Variants in GSR observed in about 807,000 individuals in gnomAD.
GSR encodes the protein glutathione-disulfide reductase.
In GSR, 48 loss-of-function variants were observed where a neutral mutation model predicts 56.5. The observed-to-expected ratio is 0.85, with a 90% CI of 0.67 to 1.08. GSR has a LOEUF of 1.08. Among genes scored for constraint, GSR ranks in the 50% least tolerant of loss-of-function variants. GSR has a pLI of 0.00. For missense variants in GSR, 694 were observed against 703.3 expected (o/e 0.99, Z 0.15); for synonymous variants, 264 against 270.8 (o/e 0.97, Z 0.25).
At chr8:30,686,818 T>C (rs752640887) in intron 9 of GSR, among the ~76,000 whole-genome samples, 15 of 151,966 alleles carry the variant, frequency 9.9e-5, no homozygotes, top group Non-Finnish European at 1.6e-4. Context: ...GTTGTTGTTG[T>C]TTTCTTTTGG....
chr8:30,706,794 T>G (rs1467330480), intron 4 of GSR, among the ~76,000 whole-genome samples: 1 of 152,168 alleles, frequency 6.6e-6, no homozygotes, highest in Non-Finnish European at 1.5e-5. Flanking sequence ...AACAACCTTC[T>G]GAATCCTAAT....
chr8:30,716,431 C>T (rs1329211238), intron 1 of GSR, among the ~76,000 whole-genome samples: 1 of 152,206 alleles, frequency 6.6e-6, no homozygotes, highest in Non-Finnish European at 1.5e-5. Context: ...AACAGGCCTC[C>T]AGGGATTTCC....
rs1027797494 is a variant in GSR, at chr8:30,703,331, C to A, written c.493-91G>T. On this transcript the variant is annotated intron_variant, in intron 4 of 12. Coordinates refer to ENST00000221130, the MANE Select transcript of GSR (RefSeq NM_000637.5). ...TCAGAACTTTCATTTCTCTACTGAA[C>A]ATTTTGATTCTTGGTTTGCTGATGC... 4.2e-6 allele frequency: 5 copies of A among 1,197,428 alleles called. No individual in the cohort carries two copies. In the African/African-American group the frequency reaches 7.5e-5, roughly 18 times the overall value. The allele number at this position is 1,197,428 out of a possible 1,614,324, so 74.2% of individuals were successfully genotyped here.
At position 30,697,144 on chromosome 8, in the gene GSR, G is replaced by A. The variant is rs146488917; in HGVS notation, c.696-665C>T. On this transcript the variant is annotated intron_variant, in intron 6 of 12. Coordinates refer to ENST00000221130, the MANE Select transcript of GSR (RefSeq NM_000637.5). ...AAAACATAAAAGTAAGGCCAGGCAC[G>A]GTGGCTCATGCCCATAATCCTAGCA... 6.6e-5 allele frequency among the ~76,000 whole-genome samples: 10 copies of A among 152,154 alleles called. No individual in the cohort carries two copies. The South Asian group carries it at 1.7e-3, about 25-fold the overall frequency.
chr8:30,721,546 A>T (rs1024689527), intron 1 of GSR, among the ~76,000 whole-genome samples: 2 of 151,916 alleles, frequency 1.3e-5, no homozygotes, highest in African/African-American at 4.8e-5. Flanking sequence ...CCAGCTACTC[A>T]GGAGGCTGAG....
At chr8:30,693,653 C>T (rs937965584) in intron 7 of GSR, among the ~76,000 whole-genome samples, 5 of 152,098 alleles carry the variant, frequency 3.3e-5, no homozygotes, top group African/African-American at 4.8e-5. Context: ...CTCATCCTCC[C>T]GAGGAGCTGG....
Position 30,700,144 on chromosome 8 carries a change from A to C in GSR, c.641-9T>G, listed in dbSNP as rs768716367. Reference sequence around the variant, plus strand: ...TATTCCTAAGCTGGCACCTATGTAGAAAAAGGCAACATAGATCACACAAGA... The same window carrying C: ...TATTCCTAAGCTGGCACCTATGTAGCAAAAGGCAACATAGATCACACAAGA... On this transcript the variant is annotated splice_polypyrimidine_tract_variant and intron_variant, in intron 5 of 12. Transcript: ENST00000221130. The C allele has an allele frequency of 6.2e-7, 1 of 1,600,856 alleles. No individual in the cohort carries two copies. Among genetic ancestry groups the C allele is most frequent in the Non-Finnish European group, 8.6e-7 (1 of 1,168,162 alleles).
chr8:30,709,988 G>T, intron 2 of GSR, 86 bp from the exon 3 acceptor site: 1 of 751,718 alleles, frequency 1.3e-6, no homozygotes, highest in South Asian at 1.6e-5. Flanking sequence ...ATGGTAACTA[G>T]GTAACAGCAG....
At chr8:30,702,072 G>A (rs980313763) in intron 5 of GSR, among the ~76,000 whole-genome samples, 13 of 150,706 alleles carry the variant, frequency 8.6e-5, no homozygotes, top group East Asian at 3.9e-4. Flanking sequence ...ATAATAGGCC[G>A]GGCACAGTGG....
chr8:30,680,754 C>T (rs1802924602), intron 12 of GSR, 150 bp downstream of exon 12: 2 of 751,908 alleles, frequency 2.7e-6, no homozygotes, highest in South Asian at 2.9e-5. Context: ...ATGAAGAACC[C>T]CAAAATGCAG....
intron 7 of GSR, among the ~76,000 whole-genome samples, chr8:30,696,112 A>T (rs1451915112): frequency 6.6e-6 from 1 of 152,188 alleles, no homozygotes; most frequent in Non-Finnish European, 1.5e-5. Flanking sequence ...TTTAGGCCCC[A>T]CGTCTCCCTA....
intron 9 of GSR, among the ~76,000 whole-genome samples, chr8:30,687,800 T>C (rs528197501): frequency 1.3e-5 from 2 of 152,330 alleles, no homozygotes; most frequent in African/African-American, 4.8e-5. Flanking sequence ...ACATTCATTG[T>C]GTTCATAATG....
chr8:30,727,699 C>T lies in GSR; in HGVS notation c.137G>A (p.Cys46Tyr). The T allele has an allele frequency of 7.0e-7, 1 of 1,432,126 alleles. No homozygotes were observed. Among genetic ancestry groups the T allele is most frequent in the Non-Finnish European group, 9.1e-7 (1 of 1,101,652 alleles). The allele number at this position is 1,432,126 out of a possible 1,614,324, so 88.7% of individuals were successfully genotyped here. ...GCCCTGCGGCTGCGGCTCCTGCCTG[C>T]AGGCCATGGCACGGGAGAGGGCGCG... ...LTRALSRAMA[C>Y]RQEPQPQGPP... Residue 46 changes from cysteine (C) to tyrosine (Y), a missense_variant, in exon 1 of 13, where the codon TGC (cysteine) becomes TAC (tyrosine). Physicochemically the swap from Cys to Tyr is radical, Grantham distance 194. Coordinates refer to ENST00000221130, the MANE Select transcript of GSR (RefSeq NM_000637.5).
intron 1 of GSR, 71 bp downstream of exon 1, chr8:30,727,459 G>T: frequency 7.3e-7 from 1 of 1,374,366 alleles, no homozygotes; most frequent in South Asian, 1.3e-5. Flanking sequence ...CCATAGGAAC[G>T]AGCACAGGCT....
chr8:30,712,103 A>G lies in GSR; in HGVS notation c.307-15T>C, dbSNP rs1563541770. 5.7e-6 allele frequency: 8 copies of G among 1,395,350 alleles called. No homozygotes were observed. The highest frequency in any genetic ancestry group is 2.4e-5 in the South Asian group (2 of 82,304). The allele number at this position is 1,395,350 out of a possible 1,614,324, so 86.4% of individuals were successfully genotyped here. A position where few individuals can be genotyped will look rare whatever the true frequency, so the allele number is the denominator to read the frequency against. On this transcript the variant is annotated splice_polypyrimidine_tract_variant and intron_variant, in intron 1 of 12. Coordinates refer to ENST00000221130, the MANE Select transcript of GSR (RefSeq NM_000637.5). Reference sequence around the variant, plus strand: ...CCAACATTCACCTGGAAAAAAAAAAAAGAGACACACTTTAAGAATATTGAA... The same window carrying G: ...CCAACATTCACCTGGAAAAAAAAAAGAGAGACACACTTTAAGAATATTGAA...
chr8:30,696,648 GA>G (rs1803554401), intron 6 of GSR, among the ~76,000 whole-genome samples, 169 bp from the exon 7 acceptor site: 1 of 152,116 alleles, frequency 6.6e-6, no homozygotes, highest in African/African-American at 2.4e-5. Context: ...GTCAAAATAA[GA>G]AATTGACATT....
chr8:30,697,328 C>T lies in GSR; in HGVS notation c.696-849G>A, dbSNP rs183891323. Among the ~76,000 whole-genome samples the T allele has an allele frequency of 1.4e-3, 213 of 151,914 alleles. 1 individual carries two copies. The highest frequency in any genetic ancestry group is 6.8e-3 in the Middle Eastern group (2 of 292). On this transcript the variant is annotated intron_variant, in intron 6 of 12. Coordinates refer to ENST00000221130, the MANE Select transcript of GSR (RefSeq NM_000637.5). ...ACTCGGGAGGCTGAGGCAGGAGAAT[C>T]GCTTGCCCTTAGGAGGCAGAGGATG...
intron 1 of GSR, among the ~76,000 whole-genome samples, chr8:30,725,532 C>T (rs1446922778): frequency 1.3e-5 from 2 of 151,422 alleles, no homozygotes; most frequent in Non-Finnish European, 2.9e-5. Context: ...TGCACTCCAG[C>T]CTGGGTGACA....
chr8:30,699,279 A>C (rs1424579029), intron 6 of GSR, among the ~76,000 whole-genome samples: 1 of 151,950 alleles, frequency 6.6e-6, no homozygotes, highest in Non-Finnish European at 1.5e-5. Flanking sequence ...CGATGGAAGA[A>C]GACCCTGTCT....
Sources: gnomAD v4.1 joint callset for allele counts (sites outside exome capture counted in the v4.1 genomes callset) on GRCh38, gnomAD v4.1.1 for gene constraint, MANE v1.5 for transcripts, NCBI Gene and HGNC (gene_info 2026-07-23, HGNC 2026-07-21) for gene names.